The following TAFA5 variants were observed in gnomAD, a reference collection of about 807,000 sequenced individuals.
The protein encoded by TAFA5 is chemokine-like protein TAFA-5.
In TAFA5, 6 loss-of-function variants were observed where a neutral mutation model predicts 15.3. The observed-to-expected ratio is 0.39, with a 90% CI of 0.21 to 0.77. The LOEUF (loss-of-function observed/expected upper bound fraction) is 0.77. TAFA5 is among the 30% of genes least tolerant of loss of function. TAFA5 has a pLI of 0.41. For missense variants in TAFA5, 161 were observed against 193.1 expected (o/e 0.83, Z 0.98); for synonymous variants, 103 against 80.7 (o/e 1.28, Z -1.48).
At chr22:48,586,929 G>C (rs898983019) in intron 1 of TAFA5, among the ~76,000 whole-genome samples, 1 of 152,348 alleles carries the variant, frequency 6.6e-6, no homozygotes, top group South Asian at 2.1e-4. Context: ...TGTAGTGTGC[G>C]GGGCAGCCAA....
chr22:48,537,022 G>A (rs1205739891), intron 1 of TAFA5, among the ~76,000 whole-genome samples: 1 of 152,226 alleles, frequency 6.6e-6, no homozygotes, highest in East Asian at 1.9e-4. Context: ...CTCTCCTTTA[G>A]GAGCTCTTAG....
At chr22:48,501,446 G>A (rs1437736873) in intron 1 of TAFA5, among the ~76,000 whole-genome samples, 1 of 152,212 alleles carries the variant, frequency 6.6e-6, no homozygotes, top group African/African-American at 2.4e-5. Context: ...GGCTGGCGGC[G>A]TGAACTCGGG....
chr22:48,698,003 T>C (rs1279896336), intron 2 of TAFA5, among the ~76,000 whole-genome samples: 1 of 150,282 alleles, frequency 6.7e-6, no homozygotes, highest in African/African-American at 2.5e-5. Flanking sequence ...ATGGTGAGCA[T>C]GATGGTGCGA....
chr22:48,565,257 A>G (rs933169328), intron 1 of TAFA5, among the ~76,000 whole-genome samples: 1 of 151,412 alleles, frequency 6.6e-6, no homozygotes, highest in Non-Finnish European at 1.5e-5. Flanking sequence ...AAGGCACAGT[A>G]GGCGGGGCAC....
intron 2 of TAFA5, among the ~76,000 whole-genome samples, chr22:48,695,778 G>A (rs549821451): frequency 1.3e-5 from 2 of 152,282 alleles, no homozygotes; most frequent in African/African-American, 4.8e-5. Context: ...AGATTGGCTG[G>A]GGCTTCCTGG....
chr22:48,689,568 A>G (rs1168674289), intron 2 of TAFA5, among the ~76,000 whole-genome samples: 1 of 152,104 alleles, frequency 6.6e-6, no homozygotes, highest in Middle Eastern at 3.2e-3. Context: ...ATGTTGCTCA[A>G]TCTTGAGGCC....
chr22:48,573,465 C>T (rs1923655316), intron 1 of TAFA5, among the ~76,000 whole-genome samples: 1 of 152,230 alleles, frequency 6.6e-6, no homozygotes, highest in East Asian at 1.9e-4. Context: ...GGTGTTCACA[C>T]TGCCATCTGG....
intron 1 of TAFA5, among the ~76,000 whole-genome samples, chr22:48,624,486 T>C (rs927288925): frequency 9.9e-5 from 15 of 152,184 alleles, no homozygotes; most frequent in African/African-American, 3.4e-4. Context: ...ACATGCGTTT[T>C]CTCCCCATTT....
At position 48,707,699 on chromosome 22, in the gene TAFA5, C is replaced by G. The variant is rs769407230; in HGVS notation, c.263-18C>G. The G allele has an allele frequency of 6.2e-7, 1 of 1,613,402 alleles. No individual in the cohort carries two copies. Among genetic ancestry groups the G allele is most frequent in the South Asian group, 1.1e-5 (1 of 91,014 alleles). ...CATGAGAGTAGCACGCTGATTGCCT[C>G]TCTCTTTTCTCCCACAGCAAGAATC... On this transcript the variant is annotated intron_variant, in intron 2 of 3. Transcript: ENST00000402357.
At chr22:48,573,730 C>A (rs1326906047) in intron 1 of TAFA5, among the ~76,000 whole-genome samples, 1 of 152,102 alleles carries the variant, frequency 6.6e-6, no homozygotes, top group Non-Finnish European at 1.5e-5. Context: ...TATGAACTTT[C>A]TTTTTTTTCT....
chr22:48,693,629 C>T (rs757344310), intron 2 of TAFA5, among the ~76,000 whole-genome samples: 2 of 152,174 alleles, frequency 1.3e-5, no homozygotes, highest in African/African-American at 2.4e-5. Context: ...CGTCCTGCCC[C>T]GGGCCTTATT....
intron 1 of TAFA5, among the ~76,000 whole-genome samples, chr22:48,559,001 A>G (rs1923135490): frequency 6.6e-6 from 1 of 152,210 alleles, no homozygotes; most frequent in African/African-American, 2.4e-5. Flanking sequence ...TTTGGAGGTG[A>G]CAAGGTCATA....
At chr22:48,635,970 C>T (rs12628590) in intron 1 of TAFA5, among the ~76,000 whole-genome samples, 23,712 of 152,238 alleles carry the variant, frequency 0.16, 2,460 homozygotes, top group East Asian at 0.4. Context: ...GCTGTGGGTC[C>T]AGGGCGCCTT....
chr22:48,570,828 A>C (rs1923556553), intron 1 of TAFA5, among the ~76,000 whole-genome samples: 1 of 145,282 alleles, frequency 6.9e-6, no homozygotes, highest in Non-Finnish European at 1.6e-5. Context: ...TTATAGCAGA[A>C]AGAAGATTTC....
chr22:48,604,223 C>T (rs1276435315), intron 1 of TAFA5, among the ~76,000 whole-genome samples: 2 of 152,036 alleles, frequency 1.3e-5, no homozygotes, highest in African/African-American at 2.4e-5. Context: ...AACCTTGGAC[C>T]GAGTGTTTAC....
intron 1 of TAFA5, among the ~76,000 whole-genome samples, chr22:48,514,915 C>T (rs761912634): frequency 2.3e-4 from 35 of 152,360 alleles, no homozygotes; most frequent in Non-Finnish European, 3.5e-4. Context: ...ACAGGGTAAG[C>T]ACTGCCATCT....
intron 1 of TAFA5, among the ~76,000 whole-genome samples, chr22:48,515,544 C>G (rs1257453486): frequency 2.6e-5 from 4 of 152,170 alleles, no homozygotes; most frequent in Non-Finnish European, 5.9e-5. Context: ...CCTCTCCTGC[C>G]TTCCCATCTG....
intron 3 of TAFA5, among the ~76,000 whole-genome samples, chr22:48,726,944 C>G (rs1314873891): frequency 6.6e-6 from 1 of 152,186 alleles, no homozygotes; most frequent in Non-Finnish European, 1.5e-5. Context: ...GTTGGCCACT[C>G]CTGGATTCCC....
intron 1 of TAFA5, among the ~76,000 whole-genome samples, chr22:48,498,714 C>A (rs558189807): frequency 1.3e-5 from 2 of 152,256 alleles, no homozygotes; most frequent in African/African-American, 4.8e-5. Context: ...ACCCCGGCCA[C>A]CCCCCACTTG....
Sources: gnomAD v4.1 joint callset for allele counts (sites outside exome capture counted in the v4.1 genomes callset) on GRCh38, gnomAD v4.1.1 for gene constraint, MANE v1.5 for transcripts, NCBI Gene and HGNC (gene_info 2026-07-23, HGNC 2026-07-21) for gene names.